Variants in NR5A2 observed in about 807,000 individuals in gnomAD.
NR5A2 encodes the protein nuclear receptor subfamily 5 group A member 2.
Under a neutral mutation model 62.7 loss-of-function variants are expected in NR5A2, and 26 were observed. That is an observed-to-expected ratio of 0.41 (90% CI 0.30 to 0.58). NR5A2 has a LOEUF of 0.58. NR5A2 is among the 20% of genes least tolerant of loss of function. NR5A2 has a pLI of 0.22. For synonymous variants in NR5A2, 246 were observed against 241.7 expected (o/e 1.02, Z -0.16); for missense variants, 541 against 669.1 (o/e 0.81, Z 2.11).
chr1:200,130,278 G>GGAAGAAGAAGAA (rs66507419), intron 7 of NR5A2, among the ~76,000 whole-genome samples: 285 of 106,510 alleles, frequency 2.7e-3, no homozygotes, highest in Middle Eastern at 6.0e-3. Context: ...GAACTAACTA[G>GGAAGAAGAAGAA]GAAGAAGAAG....
In NR5A2 at chr1:200,049,731, A is replaced by G. The variant is rs565218440; in HGVS notation, c.1110+913A>G. 4.6e-5 allele frequency among the ~76,000 whole-genome samples: 7 copies of G among 152,176 alleles called. No homozygotes were observed. The East Asian group carries it at 1.4e-3, about 29-fold the overall frequency. ...CTTCCTTTTGCTGTAACGGGGAGAG[A>G]TGTGGCTGCTAAATATCTGTGACTT... On this transcript the variant is annotated intron_variant, in intron 5 of 7. Transcript: ENST00000367362.
intron 7 of NR5A2, among the ~76,000 whole-genome samples, chr1:200,149,038 G>A (rs551540143): frequency 6.6e-6 from 1 of 151,266 alleles, no homozygotes; most frequent in African/African-American, 2.4e-5. Context: ...TCGACCTCCC[G>A]AGTAGCTGGG....
At chr1:200,035,945 C>T (rs1249209198) in intron 1 of NR5A2, among the ~76,000 whole-genome samples, 1 of 152,162 alleles carries the variant, frequency 6.6e-6, no homozygotes, top group Non-Finnish European at 1.5e-5. Flanking sequence ...TCCCAGGCCT[C>T]CCGGGTTCTA....
At chr1:200,031,295 G>C (rs72739163) in intron 1 of NR5A2, among the ~76,000 whole-genome samples, 2,629 of 152,186 alleles carry the variant, frequency 0.017, 36 homozygotes, top group Non-Finnish European at 0.024. Context: ...CTTGGGCCCA[G>C]GAGATCCAGA....
intron 2 of NR5A2, among the ~76,000 whole-genome samples, chr1:200,041,637 C>T (rs2102150158): frequency 6.6e-6 from 1 of 152,334 alleles, no homozygotes; most frequent in African/African-American, 2.4e-5. Context: ...TTTCCCTAGA[C>T]CGAAACTGGG....
chr1:200,081,138 T>G (rs1342877561), intron 5 of NR5A2, among the ~76,000 whole-genome samples: 1 of 152,174 alleles, frequency 6.6e-6, no homozygotes, highest in Non-Finnish European at 1.5e-5. Context: ...ACTTGTTGCT[T>G]GGATAAATGG....
chr1:200,168,373 C>T (rs1260383094), intron 7 of NR5A2, among the ~76,000 whole-genome samples: 1 of 151,982 alleles, frequency 6.6e-6, no homozygotes, highest in Non-Finnish European at 1.5e-5. Flanking sequence ...CCACATCCAG[C>T]CAACTTTTTA....
chr1:200,097,799 A>G (rs1199492040), intron 5 of NR5A2, among the ~76,000 whole-genome samples: 2 of 152,198 alleles, frequency 1.3e-5, no homozygotes, highest in Admixed American at 1.3e-4. Context: ...GAAAGGCAGT[A>G]TAGTATCATA....
At chr1:200,136,895 A>G (rs924402740) in intron 7 of NR5A2, among the ~76,000 whole-genome samples, 7 of 152,094 alleles carry the variant, frequency 4.6e-5, no homozygotes, top group African/African-American at 1.7e-4. Context: ...TTTTATCACC[A>G]CGGTCAGAAG....
At chr1:200,085,542 A>G (rs1232468538) in intron 5 of NR5A2, among the ~76,000 whole-genome samples, 1 of 152,184 alleles carries the variant, frequency 6.6e-6, no homozygotes, top group Non-Finnish European at 1.5e-5. Flanking sequence ...GGGGTAATGT[A>G]TAACTTACGT....
At chr1:200,112,964 T>G (rs1666028196) in intron 6 of NR5A2, among the ~76,000 whole-genome samples, 1 of 152,210 alleles carries the variant, frequency 6.6e-6, no homozygotes, top group Admixed American at 6.5e-5. Context: ...TCTTTAGAAA[T>G]ATTTCTTATT....
intron 5 of NR5A2, among the ~76,000 whole-genome samples, 185 bp downstream of exon 5, chr1:200,049,003 T>C (rs1662512639): frequency 6.6e-6 from 1 of 152,146 alleles, no homozygotes; most frequent in Non-Finnish European, 1.5e-5. Context: ...TTATGGGGCT[T>C]TGATTTTGTG....
At chr1:200,028,955 C>T in intron 1 of NR5A2, 1 of 357,280 alleles carries the variant, frequency 2.8e-6, no homozygotes, top group Non-Finnish European at 5.6e-6. Flanking sequence ...AAATGTTTAC[C>T]AAAAATGTTC....
intron 7 of NR5A2, among the ~76,000 whole-genome samples, chr1:200,145,187 G>A (rs1403393918): frequency 6.6e-6 from 1 of 152,148 alleles, no homozygotes; most frequent in Non-Finnish European, 1.5e-5. Flanking sequence ...TCACGTGTCT[G>A]TAGTCCCAGC....
At chr1:200,130,909 G>C (rs12042827) in intron 7 of NR5A2, among the ~76,000 whole-genome samples, 7,336 of 151,928 alleles carry the variant, frequency 0.048, 225 homozygotes, top group African/African-American at 0.087. Context: ...AATATCCCAG[G>C]GTTCTTCGTA....
intron 4 of NR5A2, among the ~76,000 whole-genome samples, chr1:200,047,700 C>T (rs772192140): frequency 5.3e-5 from 8 of 151,978 alleles, no homozygotes; most frequent in Non-Finnish European, 8.8e-5. Flanking sequence ...TCTCAGCCTC[C>T]TGAATAGCTG....
At chr1:200,170,324 C>T (rs1470350235) in intron 7 of NR5A2, among the ~76,000 whole-genome samples, 4 of 152,116 alleles carry the variant, frequency 2.6e-5, no homozygotes, top group Admixed American at 2.0e-4. Flanking sequence ...TTTCCCTTTC[C>T]ATCCCCAAGT....
At chr1:200,150,898 C>G (rs574333796) in intron 7 of NR5A2, among the ~76,000 whole-genome samples, 1 of 152,300 alleles carries the variant, frequency 6.6e-6, no homozygotes, top group East Asian at 1.9e-4. Flanking sequence ...CGCCTCTTCA[C>G]TAGCAACGCC....
At position 200,162,189 on chromosome 1, in the gene NR5A2, C is replaced by A. The variant is rs556787934; in HGVS notation, c.1379-11774C>A. 7.9e-5 allele frequency among the ~76,000 whole-genome samples: 12 copies of A among 152,314 alleles called. No individual in the cohort carries two copies. In the East Asian group the frequency reaches 2.3e-3, roughly 29 times the overall value. On this transcript the variant is annotated intron_variant, in intron 7 of 7. Transcript: ENST00000367362. ...GTTATAATTAACAAGAGAGACATAT[C>A]CCTGTCCTCATAATTGACAGTGAAA...
Sources: gnomAD v4.1 joint callset for allele counts (sites outside exome capture counted in the v4.1 genomes callset) on GRCh38, gnomAD v4.1.1 for gene constraint, MANE v1.5 for transcripts, NCBI Gene and HGNC (gene_info 2026-07-23, HGNC 2026-07-21) for gene names.